Variants in KDM2A observed in about 807,000 individuals in gnomAD.
KDM2A encodes the protein lysine demethylase 2A.
KDM2A carries 3 observed loss-of-function variants against 137.3 expected under a neutral mutation model. The ratio of observed to expected loss-of-function variants is 0.02; its 90% CI spans 0.01 to 0.06. KDM2A has a LOEUF of 0.06. Among genes scored for constraint, KDM2A ranks in the 10% least tolerant of loss-of-function variants. KDM2A has a pLI of 1.00. For synonymous variants in KDM2A, 512 were observed against 541.5 expected (o/e 0.95, Z 0.76); for missense variants, 738 against 1,510.6 (o/e 0.49, Z 8.48).
chr11:67,175,986 A>C (rs1856966846), intron 2 of KDM2A, among the ~76,000 whole-genome samples: 2 of 152,174 alleles, frequency 1.3e-5, no homozygotes, highest in Non-Finnish European at 2.9e-5. Flanking sequence ...TTGTCAGTGA[A>C]CACCCTGCCC....
intron 2 of KDM2A, among the ~76,000 whole-genome samples, chr11:67,158,907 T>C (rs1856577702): frequency 6.6e-6 from 1 of 152,224 alleles, no homozygotes; most frequent in Non-Finnish European, 1.5e-5. Context: ...ATTGTAAATT[T>C]TGAGTATTAA....
rs754616197 is a variant in KDM2A, at chr11:67,254,670, G to T, written c.3308-204G>T. 4.6e-5 allele frequency among the ~76,000 whole-genome samples: 7 copies of T among 152,208 alleles called. No individual in the cohort carries two copies. The highest frequency in any genetic ancestry group is 1.0e-4 in the Non-Finnish European group (7 of 68,036). ...GAGTTTGGTCAGCCTTGCAGCCCTT[G>T]TGCTTGTTGTCATATGGTGATGGGA... On this transcript the variant is annotated intron_variant, in intron 20 of 20. Coordinates refer to ENST00000529006, the MANE Select transcript of KDM2A (RefSeq NM_012308.3). The surrounding 1 kb of genome is among the most constrained non-coding windows in gnomAD (Gnocchi z 4.7).
At chr11:67,135,717 G>A (rs571754746) in intron 2 of KDM2A, among the ~76,000 whole-genome samples, 75 of 152,206 alleles carry the variant, frequency 4.9e-4, no homozygotes, top group African/African-American at 1.7e-3. Flanking sequence ...TGTCATTTTA[G>A]TCTTTTGATC....
intron 2 of KDM2A, among the ~76,000 whole-genome samples, chr11:67,161,585 G>T (rs996419417): frequency 1.3e-5 from 2 of 152,098 alleles, no homozygotes; most frequent in Non-Finnish European, 2.9e-5. Context: ...TGTGTTTTCT[G>T]ATTTACTCAA....
intron 6 of KDM2A, among the ~76,000 whole-genome samples, chr11:67,212,252 TAAAAG>T (rs1488693487): frequency 6.6e-6 from 1 of 152,038 alleles, no homozygotes; most frequent in Non-Finnish European, 1.5e-5. Context: ...AATGTTGACA[TAAAAG>T]AAATAATGAA....
chr11:67,139,373 T>C (rs940782389), intron 2 of KDM2A, among the ~76,000 whole-genome samples: 8 of 152,146 alleles, frequency 5.3e-5, no homozygotes, highest in African/African-American at 1.4e-4. Flanking sequence ...GCCTCCCAAG[T>C]AGCTGGGATT....
At chr11:67,220,327 A>G (rs1431769270) in intron 10 of KDM2A, among the ~76,000 whole-genome samples, 1 of 152,160 alleles carries the variant, frequency 6.6e-6, no homozygotes, top group East Asian at 1.9e-4. Context: ...TTGGATTTTT[A>G]TAAGGCCAGA....
chr11:67,168,545 T>TACAC (rs34544708), intron 2 of KDM2A, among the ~76,000 whole-genome samples: 34 of 109,944 alleles, frequency 3.1e-4, no homozygotes, highest in Non-Finnish European at 4.4e-4. Context: ...TGAATTATAA[T>TACAC]ACACACACAC....
intron 2 of KDM2A, among the ~76,000 whole-genome samples, chr11:67,137,473 G>C (rs1013105996): frequency 2.0e-5 from 3 of 152,122 alleles, no homozygotes; most frequent in African/African-American, 7.2e-5. Context: ...TTCTATGATT[G>C]AGATTCTATG....
chr11:67,152,145 T>C (rs149013344), intron 2 of KDM2A, among the ~76,000 whole-genome samples: 2 of 151,594 alleles, frequency 1.3e-5, no homozygotes, highest in East Asian at 3.9e-4. Flanking sequence ...TGAAACCCTG[T>C]GTCTATTAAA....
rs531864434 is a variant in KDM2A at position 67,177,214 on chromosome 11, C to T, written c.43-2865C>T. ...CCGGGAGGTGGAGGTTGCAGAGAGC[C>T]GAGATCACTCCATTGCACTCCAGCC... On this transcript the variant is annotated intron_variant, in intron 2 of 20. Coordinates refer to ENST00000529006, the MANE Select transcript of KDM2A (RefSeq NM_012308.3). Among the ~76,000 whole-genome samples, 14 of 152,086 alleles carry T rather than the reference C, an allele frequency of 9.2e-5. No individual in the cohort carries two copies. In the East Asian group the frequency reaches 1.9e-3, roughly 21 times the overall value.
At chr11:67,122,566 A>G (rs1855620792) in intron 2 of KDM2A, among the ~76,000 whole-genome samples, 1 of 151,962 alleles carries the variant, frequency 6.6e-6, no homozygotes, top group Non-Finnish European at 1.5e-5. Flanking sequence ...CTCATGATCC[A>G]CCCACCTTGG....
rs373615464 is a variant in KDM2A at position 67,254,455 on chromosome 11, C to A, written c.3307+37C>A. Reference sequence around the variant, plus strand: ...CAGTTGTTCATAATCAGCGGTGCCCCCTGCCTCCAGCCCTCCCTGGAACTT... The same window carrying A: ...CAGTTGTTCATAATCAGCGGTGCCCACTGCCTCCAGCCCTCCCTGGAACTT... On this transcript the variant is annotated intron_variant, in intron 20 of 20. Coordinates refer to ENST00000529006, the MANE Select transcript of KDM2A (RefSeq NM_012308.3). This position sits in a 1 kb window ranked among gnomAD's most constrained non-coding sequence, Gnocchi z 4.7. 19 of 1,572,122 alleles carry A rather than the reference C, an allele frequency of 1.2e-5. No homozygotes were observed. In the African/African-American group the frequency reaches 2.3e-4, roughly 19 times the overall value.
intron 2 of KDM2A, among the ~76,000 whole-genome samples, chr11:67,125,760 CAG>C: frequency 6.9e-6 from 1 of 144,300 alleles, no homozygotes; most frequent in South Asian, 2.2e-4. Context: ...GCCTGGGCGA[CAG>C]AGTGAGACTC....
intron 12 of KDM2A, chr11:67,239,996 C>T: frequency 8.1e-7 from 1 of 1,239,526 alleles, no homozygotes; most frequent in Non-Finnish European, 1.0e-6. Context: ...ACGGCTGGGC[C>T]CTCTGCCTGG....
chr11:67,125,484 G>A (rs893233247), intron 2 of KDM2A, among the ~76,000 whole-genome samples: 2 of 151,886 alleles, frequency 1.3e-5, no homozygotes, highest in Admixed American at 6.6e-5. Flanking sequence ...GAAATAACTA[G>A]TTAAGGACTG....
chr11:67,247,067 ATAT>A (rs1376407906), intron 15 of KDM2A, among the ~76,000 whole-genome samples: 1 of 27,522 alleles, frequency 3.6e-5, no homozygotes, highest in African/African-American at 1.5e-4. Context: ...ATATATATAT[ATAT>A]ATTTTTTTTT....
Position 67,254,467 on chromosome 11 carries a change from C to T in KDM2A, c.3307+49C>T, listed in dbSNP as rs756229891. 2 of 1,513,640 alleles carry T rather than the reference C, an allele frequency of 1.3e-6. No individual in the cohort carries two copies. The highest frequency in any genetic ancestry group is 1.1e-5 in the South Asian group (1 of 88,986). The allele number at this position is 1,513,640 out of a possible 1,614,324, so 93.8% of individuals were successfully genotyped here. On this transcript the variant is annotated intron_variant, in intron 20 of 20. Transcript: ENST00000529006. The surrounding 1 kb of genome is among the most constrained non-coding windows in gnomAD (Gnocchi z 4.7). ...ATCAGCGGTGCCCCCTGCCTCCAGC[C>T]CTCCCTGGAACTTGATCAGTAAACC... is the stretch of plus-strand genomic sequence containing the variant.
At chr11:67,237,217 T>G (rs1361596707) in intron 12 of KDM2A, among the ~76,000 whole-genome samples, 1 of 152,162 alleles carries the variant, frequency 6.6e-6, no homozygotes, top group African/African-American at 2.4e-5. Flanking sequence ...AACATTTTAT[T>G]TTGGAACTAT....
Sources: allele counts gnomAD v4.1 joint callset (sites outside exome capture counted in the v4.1 genomes callset), GRCh38; gene constraint gnomAD v4.1.1; non-coding constraint Gnocchi (gnomAD v3.1); transcripts MANE v1.5; gene names NCBI Gene and HGNC (gene_info 2026-07-23, HGNC 2026-07-21).